The following OTOGL variants were observed in gnomAD, a reference collection of about 807,000 sequenced individuals.
OTOGL encodes the protein otogelin like.
OTOGL carries 285 observed loss-of-function variants against 318.5 expected under a neutral mutation model. That is an observed-to-expected ratio of 0.89 (90% CI 0.81 to 0.99). The LOEUF (loss-of-function observed/expected upper bound fraction) is 0.99. Ranked by LOEUF, OTOGL falls within the 50% of genes least tolerant of loss-of-function variation. OTOGL has a pLI of 0.00. For synonymous variants in OTOGL, 987 were observed against 936.5 expected, an observed-to-expected ratio of 1.05 and a Z score of -0.99; for missense variants, 2,899 against 2,845.6, an observed-to-expected ratio of 1.02 and a Z score of -0.43.
At position 80,106,675 on chromosome 12, in the gene OTOGL, G is replaced by A. The variant is rs544327572; in HGVS notation, c.-20+7070G>A. Among the ~76,000 whole-genome samples, 281 of 152,164 alleles carry A rather than the reference G, an allele frequency of 1.8e-3. 2 individuals carry two copies. The highest frequency in any genetic ancestry group is 5.9e-3 in the African/African-American group (243 of 41,524). ...TATATCCTTTGCCTTACTAGTACTC[G>A]TAATGTATGATTCTCTGGATTGCAT... On this transcript the variant is annotated intron_variant, in intron 1 of 58. Transcript: ENST00000547103.
chr12:80,182,096 G>T (rs1028703052), intron 1 of OTOGL, among the ~76,000 whole-genome samples: 11 of 152,132 alleles, frequency 7.2e-5, no homozygotes, highest in African/African-American at 2.2e-4. Flanking sequence ...AGACTACAGT[G>T]AGCCATGATC....
chr12:80,257,676 A>C (rs950717390), intron 17 of OTOGL, 149 bp from the exon 18 acceptor site: 12 of 723,682 alleles, frequency 1.7e-5, no homozygotes, highest in Non-Finnish European at 1.9e-5. Context: ...GGTGGCAAAA[A>C]TTTGGCCCTG....
intron 1 of OTOGL, among the ~76,000 whole-genome samples, chr12:80,124,121 G>A (rs999998614): frequency 1.8e-4 from 27 of 152,182 alleles, no homozygotes; most frequent in African/African-American, 6.3e-4. Context: ...CCATGCCTAT[G>A]TCCCGAATGG....
chr12:80,211,869 C>A, intron 3 of OTOGL, 80 bp from the exon 4 acceptor site: 2 of 1,155,096 alleles, frequency 1.7e-6, no homozygotes, highest in Non-Finnish European at 2.5e-6. Context: ...AGGAGGAAAA[C>A]ACCAGCTCTC....
chr12:80,144,772 A>G (rs935138358), intron 1 of OTOGL, among the ~76,000 whole-genome samples: 3 of 152,046 alleles, frequency 2.0e-5, no homozygotes, highest in South Asian at 2.1e-4. Flanking sequence ...ATGGTATCTC[A>G]TTGTGGTTTT....
chr12:80,163,903 A>G (rs1873681605), intron 1 of OTOGL, among the ~76,000 whole-genome samples: 1 of 152,196 alleles, frequency 6.6e-6, no homozygotes, highest in Admixed American at 6.6e-5. Context: ...ATATACTCTC[A>G]TTCTTCAATG....
intron 26 of OTOGL, among the ~76,000 whole-genome samples, chr12:80,291,785 T>C (rs1368996344): frequency 6.6e-6 from 1 of 152,174 alleles, no homozygotes; most frequent in African/African-American, 2.4e-5. Flanking sequence ...TAGATTCTTA[T>C]TGAACTTATG....
intron 1 of OTOGL, among the ~76,000 whole-genome samples, chr12:80,104,943 C>T (rs776228207): frequency 6.6e-6 from 1 of 151,870 alleles, no homozygotes; most frequent in Non-Finnish European, 1.5e-5. Context: ...AAAAATTCAA[C>T]AGATTAGCCA....
chr12:80,190,198 G>A (rs1017419994), intron 1 of OTOGL, among the ~76,000 whole-genome samples: 7 of 152,154 alleles, frequency 4.6e-5, no homozygotes, highest in African/African-American at 1.7e-4. Context: ...TACTTGCTGA[G>A]TCATTTGTTT....
chr12:80,176,851 G>T (rs7979408), intron 1 of OTOGL, among the ~76,000 whole-genome samples: 5 of 151,950 alleles, frequency 3.3e-5, no homozygotes, highest in Non-Finnish European at 7.4e-5. Flanking sequence ...ACCATTTTAC[G>T]TTCTTATAAG....
At chr12:80,210,955 C>A (rs2137310650) in intron 3 of OTOGL, 69 bp downstream of exon 3, 1 of 1,027,064 alleles carries the variant, frequency 9.7e-7, no homozygotes, top group South Asian at 2.5e-5. Flanking sequence ...CCTCAGCAGG[C>A]AACTATATCT....
intron 29 of OTOGL, among the ~76,000 whole-genome samples, chr12:80,308,206 C>T (rs1420721029): frequency 6.6e-6 from 1 of 150,946 alleles, no homozygotes; most frequent in Admixed American, 6.6e-5. Flanking sequence ...CCTCACTTCC[C>T]AGACGGGGTG....
At chr12:80,357,991 A>C (rs969983278) in intron 49 of OTOGL, among the ~76,000 whole-genome samples, 2 of 152,208 alleles carry the variant, frequency 1.3e-5, no homozygotes, top group African/African-American at 4.8e-5. Context: ...TCTAATGAGA[A>C]CAAATTACCT....
At chr12:80,315,502 C>T (rs569828930) in intron 32 of OTOGL, among the ~76,000 whole-genome samples, 5 of 152,038 alleles carry the variant, frequency 3.3e-5, no homozygotes, top group African/African-American at 7.2e-5. Flanking sequence ...ATGAGGAAGG[C>T]GCAGGCCTCA....
intron 19 of OTOGL, among the ~76,000 whole-genome samples, chr12:80,263,555 C>T (rs868812410): frequency 1.3e-5 from 2 of 152,068 alleles, no homozygotes; most frequent in African/African-American, 4.8e-5. Context: ...GAGATATTTG[C>T]CTTGTCTTTG....
intron 29 of OTOGL, among the ~76,000 whole-genome samples, chr12:80,307,085 G>A (rs1170883718): frequency 2.0e-5 from 3 of 150,342 alleles, no homozygotes; most frequent in Non-Finnish European, 4.4e-5. Context: ...TCAACCCTGA[G>A]TGGATACAGC....
At chr12:80,103,584 T>C (rs575772742) in intron 1 of OTOGL, among the ~76,000 whole-genome samples, 1 of 152,340 alleles carries the variant, frequency 6.6e-6, no homozygotes, top group African/African-American at 2.4e-5. Context: ...TAAAATGTAA[T>C]TGAATAATTA....
At chr12:80,190,783 T>C (rs1463249663) in intron 1 of OTOGL, among the ~76,000 whole-genome samples, 1 of 74,120 alleles carries the variant, frequency 1.3e-5, no homozygotes, top group South Asian at 5.4e-4. Context: ...TGAGACTCCG[T>C]CTCAAAAAAA....
chr12:80,363,429 T>C (rs918994910), intron 52 of OTOGL, among the ~76,000 whole-genome samples: 6 of 152,158 alleles, frequency 3.9e-5, no homozygotes, highest in African/African-American at 1.4e-4. Context: ...GGTATAGCCA[T>C]TTACGAATGA....
Sources: gnomAD v4.1 joint callset for allele counts (sites outside exome capture counted in the v4.1 genomes callset) on GRCh38, gnomAD v4.1.1 for gene constraint, MANE v1.5 for transcripts, NCBI Gene and HGNC (gene_info 2026-07-23, HGNC 2026-07-21) for gene names.